Variants in SNX29 observed in about 807,000 individuals in gnomAD.
The protein encoded by SNX29 is sorting nexin 29.
A neutral mutation model predicts 102.1 loss-of-function variants in SNX29; 78 were observed. That is an observed-to-expected ratio of 0.76 (90% CI 0.64 to 0.92). The LOEUF (loss-of-function observed/expected upper bound fraction) is 0.92, where lower values mean the gene tolerates loss of function less well. Ranked by LOEUF, SNX29 falls within the 40% of genes least tolerant of loss-of-function variation. SNX29 has a pLI of 0.00. For synonymous variants in SNX29, 580 were observed against 414.5 expected, an observed-to-expected ratio of 1.40 and a Z score of -4.85; for missense variants, 1,280 against 1,061.7, an observed-to-expected ratio of 1.21 and a Z score of -2.86.
chr16:12,177,494 T>A (rs1163072701), intron 13 of SNX29, among the ~76,000 whole-genome samples: 1 of 152,206 alleles, frequency 6.6e-6, no homozygotes, highest in African/African-American at 2.4e-5. Context: ...TTTATCTGTG[T>A]AGGTCTTAAT....
At chr16:12,276,092 C>A (rs1023909057) in intron 14 of SNX29, among the ~76,000 whole-genome samples, 1 of 151,988 alleles carries the variant, frequency 6.6e-6, no homozygotes, top group Non-Finnish European at 1.5e-5. Context: ...AGGGTTTCTC[C>A]ATGTTGGCCA....
intron 15 of SNX29, among the ~76,000 whole-genome samples, chr16:12,331,167 C>G (rs2081281969): frequency 6.6e-6 from 1 of 152,174 alleles, no homozygotes; most frequent in Non-Finnish European, 1.5e-5. Flanking sequence ...CCAGAGAGAG[C>G]TTTGGCCTCA....
intron 15 of SNX29, among the ~76,000 whole-genome samples, chr16:12,298,947 A>AAT (rs1375396815): frequency 6.6e-6 from 1 of 151,910 alleles, no homozygotes; most frequent in Non-Finnish European, 1.5e-5. Context: ...CCATTTTCAT[A>AAT]ATAATGAGTT....
At chr16:12,230,221 C>T (rs2077728827) in intron 14 of SNX29, among the ~76,000 whole-genome samples, 1 of 152,222 alleles carries the variant, frequency 6.6e-6, no homozygotes, top group Non-Finnish European at 1.5e-5. Context: ...TTGAAAGCTT[C>T]TGAAGCTGGT....
chr16:12,401,531 T>C (rs960838945), intron 17 of SNX29, among the ~76,000 whole-genome samples: 4 of 151,430 alleles, frequency 2.6e-5, no homozygotes, highest in Non-Finnish European at 5.9e-5. Flanking sequence ...GCCCAGCTAA[T>C]TTTTGTATTT....
chr16:12,158,228 C>G (rs1338762370), intron 13 of SNX29, among the ~76,000 whole-genome samples: 2 of 151,984 alleles, frequency 1.3e-5, no homozygotes, highest in African/African-American at 4.8e-5. Flanking sequence ...GAGAGAGGGT[C>G]TCGCTCTGGC....
intron 2 of SNX29, among the ~76,000 whole-genome samples, chr16:12,001,236 T>C (rs969141123): frequency 6.6e-6 from 1 of 151,992 alleles, no homozygotes; most frequent in African/African-American, 2.4e-5. Flanking sequence ...CTCAGCCTCA[T>C]GAGTAGCTGG....
chr16:12,502,901 C>T (rs2089193166), intron 19 of SNX29, among the ~76,000 whole-genome samples: 1 of 152,224 alleles, frequency 6.6e-6, no homozygotes, highest in African/African-American at 2.4e-5. Context: ...GCGATTAGAG[C>T]TGCCAGTAGA....
Position 12,545,177 on chromosome 16 carries a change from A to C in SNX29, c.2318+20336A>C, listed in dbSNP as rs1218992455. Among the ~76,000 whole-genome samples the C allele has an allele frequency of 7.9e-5, 12 of 152,320 alleles. No individual in the cohort carries two copies. In the South Asian group the frequency reaches 2.5e-3, roughly 32 times the overall value. On this transcript the variant is annotated intron_variant, in intron 20 of 20. Coordinates refer to ENST00000566228, the MANE Select transcript of SNX29 (RefSeq NM_032167.5). ...AGACACTCTGCCAGCCGTCAGAGAA[A>C]CAAATATGGTCAATACAAAAAAGGA... is the stretch of plus-strand genomic sequence containing the variant.
intron 17 of SNX29, among the ~76,000 whole-genome samples, chr16:12,399,192 A>G (rs957795292): frequency 6.6e-6 from 1 of 152,116 alleles, no homozygotes; most frequent in East Asian, 1.9e-4. Flanking sequence ...CTGGGATTAC[A>G]GGCACACACC....
chr16:12,469,111 A>G (rs191455026), intron 18 of SNX29, among the ~76,000 whole-genome samples: 8 of 152,330 alleles, frequency 5.3e-5, no homozygotes, highest in Non-Finnish European at 1.5e-5. Flanking sequence ...CCTTTATGCT[A>G]CATCCTTCTT....
At chr16:12,042,197 A>G (rs1454020850) in intron 4 of SNX29, among the ~76,000 whole-genome samples, 2 of 151,686 alleles carry the variant, frequency 1.3e-5, no homozygotes, top group African/African-American at 4.8e-5. Context: ...TACCCAGCTA[A>G]TTTTTGCATT....
At chr16:12,547,164 C>G (rs1381559222) in intron 20 of SNX29, among the ~76,000 whole-genome samples, 1 of 152,166 alleles carries the variant, frequency 6.6e-6, no homozygotes, top group Non-Finnish European at 1.5e-5. Context: ...TGGGGATGTG[C>G]TGTTTATGGT....
At chr16:12,376,623 C>G (rs1035232796) in intron 16 of SNX29, among the ~76,000 whole-genome samples, 3 of 150,752 alleles carry the variant, frequency 2.0e-5, no homozygotes, top group South Asian at 2.1e-4. Flanking sequence ...ATAATCCCAG[C>G]TACTCAGGAG....
chr16:12,015,588 T>G (rs1051851471), intron 3 of SNX29, among the ~76,000 whole-genome samples: 2 of 146,852 alleles, frequency 1.4e-5, no homozygotes, highest in African/African-American at 2.5e-5. Context: ...CAGGCTGGAG[T>G]GCAGTGATGC....
chr16:12,157,896 C>G (rs961004602), intron 13 of SNX29, among the ~76,000 whole-genome samples: 1 of 152,188 alleles, frequency 6.6e-6, no homozygotes, highest in African/African-American at 2.4e-5. Flanking sequence ...CATCAGGAGC[C>G]AGCTGCAGTG....
chr16:12,225,424 A>G (rs2077584157), intron 14 of SNX29, among the ~76,000 whole-genome samples: 1 of 152,122 alleles, frequency 6.6e-6, no homozygotes, highest in South Asian at 2.1e-4. Flanking sequence ...ATGATGGTGA[A>G]TAAGTCTCAT....
Position 12,265,029 on chromosome 16 carries a change from C to G in SNX29, c.1679-12904C>G, listed in dbSNP as rs2078885508. ...CTGTTTTCTGTTTTTGTTTTTGTTT[C>G]TGTTTGGAATGAGCTGGTTTAAAAA... On this transcript the variant is annotated intron_variant, in intron 14 of 20. Transcript: ENST00000566228. 3.3e-5 allele frequency among the ~76,000 whole-genome samples: 5 copies of G among 152,240 alleles called. No individual in the cohort carries two copies. In the South Asian group the frequency reaches 1.0e-3, roughly 32 times the overall value.
intron 20 of SNX29, among the ~76,000 whole-genome samples, chr16:12,551,077 T>C (rs956281230): frequency 6.6e-6 from 1 of 152,182 alleles, no homozygotes; most frequent in African/African-American, 2.4e-5. Flanking sequence ...TTCATCTCCA[T>C]GTGATCCTCT....
Sources: gnomAD v4.1 joint callset for allele counts (sites outside exome capture counted in the v4.1 genomes callset) on GRCh38, gnomAD v4.1.1 for gene constraint, MANE v1.5 for transcripts, NCBI Gene and HGNC (gene_info 2026-07-23, HGNC 2026-07-21) for gene names.